Variants in SDHAF2 observed in about 807,000 individuals in gnomAD.
SDHAF2 encodes succinate dehydrogenase complex assembly factor 2, also known as succinate dehydrogenase assembly factor 2, mitochondrial.
A neutral mutation model predicts 18.5 loss-of-function variants in SDHAF2; 21 were observed. That is an observed-to-expected ratio of 1.13 (90% CI 0.80 to 1.63). The LOEUF (loss-of-function observed/expected upper bound fraction) is 1.63, where lower values mean the gene tolerates loss of function less well. Ranked by LOEUF, SDHAF2 falls within the 40% of genes most tolerant of loss-of-function variation. The pLI is 0.00. For missense variants in SDHAF2, 195 were observed against 200.3 expected (o/e 0.97, Z 0.16); for synonymous variants, 84 against 70.7 (o/e 1.19, Z -0.94).
At chr11:61,430,491 T>G in intron 1 of SDHAF2, 1 of 519,260 alleles carries the variant, frequency 1.9e-6, no homozygotes, top group South Asian at 2.9e-5. Flanking sequence ...TCCCCGTTCT[T>G]TAGTCTTTAA....
In SDHAF2 at chr11:61,440,274, C is replaced by T. The variant is rs555422944; in HGVS notation, c.370+2161C>T. ...GAGCCAAGATCACGCCACTGTGCTC[C>T]AACCTGGGCGACAGAGTGAGACTCT... On this transcript the variant is annotated intron_variant, in intron 3 of 3. Coordinates refer to ENST00000301761, the MANE Select transcript of SDHAF2 (RefSeq NM_017841.4). 1.7e-4 allele frequency among the ~76,000 whole-genome samples: 26 copies of T among 152,136 alleles called. 1 individual carries two copies. In the South Asian group the frequency reaches 5.4e-3, roughly 32 times the overall value.
At chr11:61,440,337 C>T (rs1862048147) in intron 3 of SDHAF2, among the ~76,000 whole-genome samples, 1 of 151,410 alleles carries the variant, frequency 6.6e-6, no homozygotes, top group South Asian at 2.1e-4. Flanking sequence ...GGTGAGTCAA[C>T]ACCTGTAATC....
At chr11:61,438,754 T>C (rs1862028378) in intron 3 of SDHAF2, among the ~76,000 whole-genome samples, 1 of 152,080 alleles carries the variant, frequency 6.6e-6, no homozygotes, top group South Asian at 2.1e-4. Flanking sequence ...TCCTCAATAG[T>C]TTCATTCTGG....
At chr11:61,438,599 C>T (rs752105689) in intron 3 of SDHAF2, among the ~76,000 whole-genome samples, 5 of 152,040 alleles carry the variant, frequency 3.3e-5, no homozygotes, top group South Asian at 2.1e-4. Flanking sequence ...TCTTTATTTG[C>T]GAGACAGAGT....
At chr11:61,445,112 T>C in intron 3 of SDHAF2, among the ~76,000 whole-genome samples, 1 of 152,200 alleles carries the variant, frequency 6.6e-6, no homozygotes, top group East Asian at 1.9e-4. Flanking sequence ...AGAATCTGAC[T>C]TGGTTTTGAG....
At chr11:61,432,013 A>G (rs774012701) in intron 1 of SDHAF2, 1 of 152,168 alleles carries the variant, frequency 6.6e-6, no homozygotes, top group Non-Finnish European at 1.5e-5. Flanking sequence ...ATTTATACCT[A>G]AAGTAAATAG....
At position 61,430,152 on chromosome 11, in the gene SDHAF2, G is replaced by T. The variant is rs747571875; in HGVS notation, c.6G>T (p.Ala2=). The stretch of plus-strand genomic sequence containing the variant: ...TTCCGGTGCAGGTGGGGAAAATGGC[G>T]GTGTCTACAGTGTTCTCGACTTCGT... M[A]VSTVFSTSSL... The change falls in exon 1 of 4, where the codon GCG becomes GCT. Residue 2 remains alanine (A), a synonymous_variant. Transcript: ENST00000301761. The T allele has an allele frequency of 9.3e-6, 15 of 1,614,104 alleles. No individual in the cohort carries two copies. Among genetic ancestry groups the T allele is most frequent in the Admixed American group, 3.3e-5 (2 of 60,014 alleles).
intron 1 of SDHAF2, chr11:61,430,855 CT>C (rs755176901): frequency 2.3e-3 from 327 of 144,996 alleles, no homozygotes; most frequent in Middle Eastern, 7.0e-3. Flanking sequence ...TATCTTTATT[CT>C]TTTTTTTTTT....
chr11:61,435,406 A>G (rs1861980742), intron 1 of SDHAF2: 1 of 152,074 alleles, frequency 6.6e-6, no homozygotes, highest in Admixed American at 6.6e-5. Context: ...TAGTTTCTGG[A>G]GATGTATTTC....
chr11:61,435,181 C>G (rs1294646974), intron 1 of SDHAF2: 1 of 152,180 alleles, frequency 6.6e-6, no homozygotes, highest in African/African-American at 2.4e-5. Flanking sequence ...CGTGCCTGGC[C>G]TCCTCTAGTG....
intron 3 of SDHAF2, among the ~76,000 whole-genome samples, chr11:61,441,785 C>T (rs1261681587): frequency 6.6e-6 from 1 of 152,056 alleles, no homozygotes; most frequent in Non-Finnish European, 1.5e-5. Flanking sequence ...ATTGGCATGT[C>T]CCTAATGACT....
At position 61,436,008 on chromosome 11, in the gene SDHAF2, G is replaced by A. The variant is rs1195847549; in HGVS notation, c.37-1617G>A. The A allele has an allele frequency of 3.3e-5, 5 of 152,744 alleles. 1 individual carries two copies. 9.5% of individuals were successfully genotyped at this position (152,744 alleles called of 1,614,324 possible). A position where few individuals can be genotyped will look rare whatever the true frequency, so the allele number is the denominator to read the frequency against. On this transcript the variant is annotated intron_variant, in intron 1 of 3. Coordinates refer to ENST00000301761, the MANE Select transcript of SDHAF2 (RefSeq NM_017841.4). ...GTGGTGGGGCATGCCTGTAATCCCA[G>A]CTACTCGGGAGGCTGAAGCAGGAGA...
At chr11:61,444,621 T>G (rs1186349657) in intron 3 of SDHAF2, among the ~76,000 whole-genome samples, 1 of 150,864 alleles carries the variant, frequency 6.6e-6, no homozygotes, top group Non-Finnish European at 1.5e-5. Flanking sequence ...CGGGCGCCTG[T>G]GGTGCCAGCT....
rs1300463093 is a variant in SDHAF2, at chr11:61,446,542, T to C, written c.*471T>C. On this transcript the variant is annotated 3_prime_UTR_variant, in exon 4 of 4. Transcript: ENST00000301761. ...CCCACTTCCAACCTGGTATGGCTCC[T>C]TCTGCGAAGGGAAGCTGATCCCAGC... 2 of 468,102 alleles carry C rather than the reference T, an allele frequency of 4.3e-6. No homozygotes were observed. The highest frequency in any genetic ancestry group is 3.9e-5 in the African/African-American group (2 of 51,092). The allele number at this position is 468,102 out of a possible 1,614,324, so 29.0% of individuals were successfully genotyped here.
intron 1 of SDHAF2, chr11:61,433,533 G>T (rs778017586): frequency 6.6e-6 from 1 of 152,138 alleles, no homozygotes; most frequent in Admixed American, 6.6e-5. Flanking sequence ...CTCCCCATCC[G>T]CATTCATTTC....
intron 1 of SDHAF2, 194 bp downstream of exon 1, chr11:61,430,376 CG>C: frequency 1.5e-6 from 1 of 668,112 alleles, no homozygotes; most frequent in Non-Finnish European, 2.6e-6. Flanking sequence ...TACTGTGTGC[CG>C]GTCTGGAAAT....
chr11:61,437,899 A>T, intron 2 of SDHAF2, 51 bp downstream of exon 2: 1 of 1,577,136 alleles, frequency 6.3e-7, no homozygotes, highest in Non-Finnish European at 8.7e-7. Flanking sequence ...CCTGAGCCAG[A>T]GTAGGTTCAG....
intron 3 of SDHAF2, among the ~76,000 whole-genome samples, chr11:61,442,019 G>A (rs576133053): frequency 8.8e-4 from 134 of 152,102 alleles, no homozygotes; most frequent in Non-Finnish European, 8.8e-4. Context: ...GAATAGCTGG[G>A]ACTACAGGCC....
chr11:61,434,980 C>G (rs1377664136), intron 1 of SDHAF2: 2 of 152,206 alleles, frequency 1.3e-5, no homozygotes, highest in African/African-American at 4.8e-5. Context: ...ATCCACTCGC[C>G]TTGGCCTCCC....
Sources: gnomAD v4.1 joint callset for allele counts (sites outside exome capture counted in the v4.1 genomes callset) on GRCh38, gnomAD v4.1.1 for gene constraint, MANE v1.5 for transcripts, NCBI Gene and HGNC (gene_info 2026-07-23, HGNC 2026-07-21) for gene names.